Variants in EBF1 observed in about 807,000 individuals in gnomAD.
EBF1 encodes the protein EBF transcription factor 1.
A neutral mutation model predicts 68.4 loss-of-function variants in EBF1; 10 were observed. The ratio of observed to expected loss-of-function variants is 0.15; its 90% CI spans 0.09 to 0.25. EBF1 has a LOEUF of 0.25. EBF1 is among the 10% of genes least tolerant of loss of function. The pLI is 1.00. For missense variants in EBF1, 509 were observed against 794.4 expected (o/e 0.64, Z 4.32); for synonymous variants, 298 against 299.8 (o/e 0.99, Z 0.06).
At chr5:159,040,916 A>G (rs1450247770) in intron 6 of EBF1, among the ~76,000 whole-genome samples, 1 of 152,202 alleles carries the variant, frequency 6.6e-6, no homozygotes, top group East Asian at 1.9e-4. Flanking sequence ...ACCACTCTCT[A>G]CATGTGAATT....
chr5:158,845,526 T>C (rs1160466299), intron 6 of EBF1, among the ~76,000 whole-genome samples: 1 of 151,900 alleles, frequency 6.6e-6, no homozygotes, highest in Non-Finnish European at 1.5e-5. Context: ...ATAGAGGAAG[T>C]GATAATTATT....
At chr5:159,017,274 G>A (rs1176224221) in intron 6 of EBF1, among the ~76,000 whole-genome samples, 1 of 152,174 alleles carries the variant, frequency 6.6e-6, no homozygotes, top group East Asian at 1.9e-4. Context: ...GACTAATTTT[G>A]TTTTGCTTTC....
chr5:158,699,048 T>G lies in EBF1; in HGVS notation c.*63A>C. On this transcript the variant is annotated 3_prime_UTR_variant, in exon 16 of 16. Transcript: ENST00000313708. ...TAAAAGTTCCACTCTGGGACTTGTA[T>G]CAGATTACTCTCTGTAGCAGAATCC... 1 of 1,471,210 alleles carries G rather than the reference T, an allele frequency of 6.8e-7. No individual in the cohort carries two copies. The highest frequency in any genetic ancestry group is 9.2e-7 in the Non-Finnish European group (1 of 1,090,182). 91.1% of individuals were successfully genotyped at this position (1,471,210 alleles called of 1,614,324 possible). A position where few individuals can be genotyped will look rare whatever the true frequency, so the allele number is the denominator to read the frequency against.
At chr5:158,770,690 G>A (rs966821115) in intron 10 of EBF1, among the ~76,000 whole-genome samples, 2 of 152,018 alleles carry the variant, frequency 1.3e-5, no homozygotes, top group Non-Finnish European at 2.9e-5. Context: ...CTGCTGGAAG[G>A]CTCATTCCCT....
chr5:158,809,162 C>T (rs1333861325), intron 8 of EBF1, among the ~76,000 whole-genome samples: 1 of 152,146 alleles, frequency 6.6e-6, no homozygotes, highest in Non-Finnish European at 1.5e-5. Flanking sequence ...CAACCCATAC[C>T]TGACAATTAA....
rs141900479 is a variant in EBF1 at position 158,817,957 on chromosome 5, G to A, written c.778+5219C>T. Among the ~76,000 whole-genome samples, 914 of 152,292 alleles carry A rather than the reference G, an allele frequency of 6.0e-3. 9 individuals carry two copies. The highest frequency in any genetic ancestry group is 0.027 in the Middle Eastern group (8 of 294). On this transcript the variant is annotated intron_variant, in intron 8 of 15. Transcript: ENST00000313708. ...AGGGTTCTATTAGAAAATGCCAGTG[G>A]ATTTCTCTGTTCCCAGGAAGCTCTA... is the stretch of plus-strand genomic sequence containing the variant.
At chr5:158,867,251 T>C (rs377580471) in intron 6 of EBF1, among the ~76,000 whole-genome samples, 1 of 152,174 alleles carries the variant, frequency 6.6e-6, no homozygotes. Flanking sequence ...CCTGAGTTTT[T>C]ATGACAAAAT....
chr5:159,054,030 G>A (rs192820307), intron 6 of EBF1, among the ~76,000 whole-genome samples: 5 of 152,188 alleles, frequency 3.3e-5, no homozygotes, highest in Admixed American at 6.5e-5. Context: ...GTCATTAATC[G>A]TTACCGAATT....
intron 6 of EBF1, among the ~76,000 whole-genome samples, chr5:158,946,230 C>A (rs1228580256): frequency 1.3e-5 from 2 of 152,102 alleles, no homozygotes; most frequent in Non-Finnish European, 2.9e-5. Context: ...CCCTTGCTGG[C>A]GAGCAGTTGT....
intron 6 of EBF1, among the ~76,000 whole-genome samples, chr5:159,033,006 G>A (rs750936510): frequency 1.6e-5 from 2 of 127,484 alleles, no homozygotes; most frequent in Admixed American, 8.3e-5. Context: ...TCCCACATCC[G>A]CCCCCACCCC....
intron 10 of EBF1, among the ~76,000 whole-genome samples, chr5:158,775,730 T>A (rs1774988839): frequency 6.9e-6 from 1 of 144,388 alleles, no homozygotes; most frequent in Non-Finnish European, 1.5e-5. Context: ...TGCAGCCCCA[T>A]AATGAGACTT....
chr5:158,718,319 T>C (rs905848197), intron 11 of EBF1, among the ~76,000 whole-genome samples: 2 of 152,166 alleles, frequency 1.3e-5, no homozygotes, highest in Non-Finnish European at 2.9e-5. Context: ...CCTATGTATT[T>C]GAAGAACTGC....
At chr5:158,745,990 C>T (rs997012477) in intron 10 of EBF1, among the ~76,000 whole-genome samples, 30 of 151,830 alleles carry the variant, frequency 2.0e-4, no homozygotes, top group African/African-American at 6.0e-4. Flanking sequence ...AAAGTTATGC[C>T]CTGAACTTTT....
At chr5:158,746,900 A>G (rs1767707308) in intron 10 of EBF1, among the ~76,000 whole-genome samples, 1 of 152,200 alleles carries the variant, frequency 6.6e-6, no homozygotes, top group Non-Finnish European at 1.5e-5. Context: ...TTGGGACAAT[A>G]GGTATTGTGA....
intron 15 of EBF1, among the ~76,000 whole-genome samples, chr5:158,706,039 C>T (rs986491691): frequency 3.9e-5 from 6 of 152,178 alleles, no homozygotes; most frequent in African/African-American, 1.2e-4. Flanking sequence ...CATTATATCC[C>T]TAGTTTGCCA....
rs1299725669 is a variant in EBF1 at position 158,696,981 on chromosome 5, C to G, written c.*2130G>C. ...AGTTCTGGTGCACAGTTACAATGTA[C>G]AAGTGAAATGAATATGATTTGCATT... On this transcript the variant is annotated 3_prime_UTR_variant, in exon 16 of 16. Coordinates refer to ENST00000313708, the MANE Select transcript of EBF1 (RefSeq NM_024007.5). 5.4e-6 allele frequency: 1 copy of G among 185,582 alleles called. No individual in the cohort carries two copies. The highest frequency in any genetic ancestry group is 1.1e-5 in the Non-Finnish European group (1 of 89,672). The allele number at this position is 185,582 out of a possible 1,614,324, so 11.5% of individuals were successfully genotyped here.
At chr5:159,031,683 C>T (rs887044074) in intron 6 of EBF1, among the ~76,000 whole-genome samples, 2 of 152,134 alleles carry the variant, frequency 1.3e-5, no homozygotes, top group South Asian at 2.1e-4. Flanking sequence ...CATAAAGCAC[C>T]GGTGATTTAG....
At chr5:158,906,327 A>G (rs1804604018) in intron 6 of EBF1, among the ~76,000 whole-genome samples, 3 of 151,970 alleles carry the variant, frequency 2.0e-5, no homozygotes. Flanking sequence ...AAAAAAGCAA[A>G]GAGACTCCAG....
chr5:158,730,269 C>G (rs993016511), intron 11 of EBF1, among the ~76,000 whole-genome samples: 10 of 152,334 alleles, frequency 6.6e-5, no homozygotes, highest in African/African-American at 2.4e-4. Context: ...TGAGTCCTCA[C>G]AGAACGTTGG....
Sources: allele counts gnomAD v4.1 joint callset (sites outside exome capture counted in the v4.1 genomes callset), GRCh38; gene constraint gnomAD v4.1.1; transcripts MANE v1.5; gene names NCBI Gene and HGNC (gene_info 2026-07-23, HGNC 2026-07-21).